The following MTMR7 variants were observed in gnomAD, a reference collection of about 807,000 sequenced individuals.
MTMR7 encodes the protein myotubularin related protein 7.
MTMR7 carries 76 observed loss-of-function variants against 81.2 expected under a neutral mutation model. The ratio of observed to expected loss-of-function variants is 0.94; its 90% CI spans 0.78 to 1.13. The LOEUF (loss-of-function observed/expected upper bound fraction) is 1.13. Ranked by LOEUF, MTMR7 falls within the 50% of genes most tolerant of loss-of-function variation. MTMR7 has a pLI of 0.00. For synonymous variants in MTMR7, 372 were observed against 289.8 expected (o/e 1.28, Z -2.88); for missense variants, 1,044 against 820.0 (o/e 1.27, Z -3.34).
intron 7 of MTMR7, among the ~76,000 whole-genome samples, chr8:17,321,544 T>C (rs927434966): frequency 1.3e-5 from 2 of 152,236 alleles, no homozygotes; most frequent in Non-Finnish European, 1.5e-5. Flanking sequence ...AGATGATTAA[T>C]AGACATGGGC....
At chr8:17,403,377 A>T (rs536708049) in intron 1 of MTMR7, among the ~76,000 whole-genome samples, 1 of 152,306 alleles carries the variant, frequency 6.6e-6, no homozygotes, top group Admixed American at 6.5e-5. Flanking sequence ...TTCGAAAACA[A>T]GTCCACTGTA....
At chr8:17,359,948 GCTAT>G (rs1194066960) in intron 4 of MTMR7, among the ~76,000 whole-genome samples, 2 of 152,052 alleles carry the variant, frequency 1.3e-5, no homozygotes, top group Non-Finnish European at 2.9e-5. Context: ...ATATTAAAAT[GCTAT>G]CTTTTAAAAA....
In MTMR7 at chr8:17,361,141, G is replaced by C. The variant is rs200158318; in HGVS notation, c.444C>G (p.Leu148=). Reference sequence around the variant, plus strand: ...CTCTGTAGTCTCTATTCACATCGCTGAGCTGCCAGTAATGATTAGGGAGGC... The same window carrying C: ...CTCTGTAGTCTCTATTCACATCGCTCAGCTGCCAGTAATGATTAGGGAGGC... ...RMGLPNHYWQ[L]SDVNRDYRVC... Residue 148 remains leucine, a synonymous_variant, in exon 4 of 14, where the codon CTC becomes CTG. Coordinates refer to ENST00000180173, the MANE Select transcript of MTMR7 (RefSeq NM_004686.5). The C allele has an allele frequency of 6.2e-7, 1 of 1,614,108 alleles. No homozygotes were observed. The highest frequency in any genetic ancestry group is 8.5e-7 in the Non-Finnish European group (1 of 1,180,026).
At chr8:17,303,445 T>A (rs992902616) in intron 12 of MTMR7, among the ~76,000 whole-genome samples, 4 of 152,108 alleles carry the variant, frequency 2.6e-5, no homozygotes, top group Admixed American at 6.5e-5. Flanking sequence ...AGATGGGGTT[T>A]CTGTTTATTC....
intron 1 of MTMR7, among the ~76,000 whole-genome samples, chr8:17,408,022 T>G (rs934015733): frequency 3.3e-5 from 5 of 152,210 alleles, no homozygotes; most frequent in African/African-American, 1.2e-4. Context: ...ACACTAATTC[T>G]GGCAGGGTTC....
At chr8:17,398,320 A>C (rs1821320586) in intron 1 of MTMR7, among the ~76,000 whole-genome samples, 1 of 152,316 alleles carries the variant, frequency 6.6e-6, no homozygotes, top group South Asian at 2.1e-4. Context: ...AGGAACTCAA[A>C]ATTCTACCAG....
At position 17,371,019 on chromosome 8, in the gene MTMR7, C is replaced by A. The variant is rs369779293; in HGVS notation, c.310+18G>T. On this transcript the variant is annotated intron_variant, in intron 3 of 13. Transcript: ENST00000180173. ...TTAAGAGAGGTTCCATATTAAATGC[C>A]GAGTTCCTCTGCCCTACCTGGCCTT... is the stretch of plus-strand genomic sequence containing the variant. 6.3e-7 allele frequency: 1 copy of A among 1,598,576 alleles called. No individual in the cohort carries two copies. The highest frequency in any genetic ancestry group is 8.5e-7 in the Non-Finnish European group (1 of 1,173,314).
chr8:17,327,917 C>T (rs1224167640), intron 7 of MTMR7, among the ~76,000 whole-genome samples: 1 of 152,096 alleles, frequency 6.6e-6, no homozygotes, highest in Admixed American at 6.6e-5. Flanking sequence ...ACAGATAATA[C>T]CACATACTGC....
intron 1 of MTMR7, among the ~76,000 whole-genome samples, chr8:17,407,937 G>T (rs563665363): frequency 2.0e-5 from 3 of 152,152 alleles, no homozygotes; most frequent in African/African-American, 7.2e-5. Context: ...GTCTATCACA[G>T]ACAGAACTTG....
In MTMR7 at chr8:17,322,950, C is replaced by CTTTTTTTTT. The variant is rs58584179; in HGVS notation, c.865+8191_865+8199dup. 7.1e-3 allele frequency among the ~76,000 whole-genome samples: 894 copies of CTTTTTTTTT among 125,660 alleles called. 38 individuals are homozygous for CTTTTTTTTT. The highest frequency in any genetic ancestry group is 0.019 in the African/African-American group (618 of 31,804). 82.4% of individuals were successfully genotyped at this position (125,660 alleles called of 152,430 possible). On this transcript the variant is annotated intron_variant, in intron 7 of 13. Transcript: ENST00000180173. Reference sequence around the variant, plus strand: ...TCCCATCTAGAGTGGATTGAATTATCTTTTTTTTTTTTTTTTTGAGACAGT... The same window carrying CTTTTTTTTT: ...TCCCATCTAGAGTGGATTGAATTATCTTTTTTTTTTTTTTTTTTTTTTTTTTGAGACAGT...
intron 6 of MTMR7, 31 bp from the exon 7 acceptor site, chr8:17,331,313 C>A (rs1395541744): frequency 6.4e-7 from 1 of 1,552,454 alleles, no homozygotes; most frequent in Non-Finnish European, 8.7e-7. Flanking sequence ...GAACAGTCAT[C>A]AATTACATTG....
At chr8:17,302,634 G>C (rs1293080982) in intron 12 of MTMR7, among the ~76,000 whole-genome samples, 3 of 138,814 alleles carry the variant, frequency 2.2e-5, no homozygotes, top group African/African-American at 5.3e-5. Context: ...GCTACAAAGG[G>C]AATCTTAAAC....
intron 1 of MTMR7, among the ~76,000 whole-genome samples, chr8:17,394,960 C>T (rs1011804721): frequency 5.9e-5 from 9 of 152,072 alleles, no homozygotes; most frequent in Admixed American, 5.2e-4. Context: ...GCATTTTAAG[C>T]GTATAATTCA....
At chr8:17,380,691 A>C (rs1820730748) in intron 1 of MTMR7, among the ~76,000 whole-genome samples, 1 of 152,214 alleles carries the variant, frequency 6.6e-6, no homozygotes, top group Non-Finnish European at 1.5e-5. Context: ...GTCTAACTTC[A>C]AAGCCACGTT....
At chr8:17,313,183 T>TCAGTG (rs764663863) in intron 8 of MTMR7, 109 bp downstream of exon 8, 31 of 702,916 alleles carry the variant, frequency 4.4e-5, no homozygotes, top group Non-Finnish European at 5.2e-5. Context: ...GGCTATCCAG[T>TCAGTG]CAGTGCAGTG....
chr8:17,376,905 G>T (rs934194552), intron 1 of MTMR7, among the ~76,000 whole-genome samples: 1 of 151,938 alleles, frequency 6.6e-6, no homozygotes, highest in Non-Finnish European at 1.5e-5. Flanking sequence ...ATCAATAATA[G>T]TAATAGATTT....
At chr8:17,307,472 G>A (rs1233339759) in intron 10 of MTMR7, among the ~76,000 whole-genome samples, 1 of 152,110 alleles carries the variant, frequency 6.6e-6, no homozygotes, top group Non-Finnish European at 1.5e-5. Context: ...GTGGAAGTCA[G>A]TGTGGCGATT....
At chr8:17,393,538 A>G (rs1016890484) in intron 1 of MTMR7, among the ~76,000 whole-genome samples, 5 of 152,146 alleles carry the variant, frequency 3.3e-5, no homozygotes, top group African/African-American at 1.2e-4. Context: ...AAGACAGATA[A>G]CCCAATTTAA....
chr8:17,348,983 A>T lies in MTMR7; in HGVS notation c.567T>A (p.Pro189=), dbSNP rs191665283. ...SSKFRSRRRF[P]VLSYYYKDNH... is the part of the protein sequence containing the mutation. ...TATCTTTATAATAGTAAGAAAGGAC[A>T]GGAAATCGCCGTCTACTCCGGAATT... The change falls in exon 5 of 14, where the codon CCT becomes CCA. Residue 189 remains proline (P), a synonymous_variant. Transcript: ENST00000180173. 1.2e-6 allele frequency: 2 copies of T among 1,613,628 alleles called. No homozygotes were observed. Among genetic ancestry groups the T allele is most frequent in the African/African-American group, 2.7e-5 (2 of 74,736 alleles).
Sources: allele counts gnomAD v4.1 joint callset (sites outside exome capture counted in the v4.1 genomes callset), GRCh38; gene constraint gnomAD v4.1.1; transcripts MANE v1.5; gene names NCBI Gene and HGNC (gene_info 2026-07-23, HGNC 2026-07-21).